Variants in DCC observed in about 807,000 individuals in gnomAD.
DCC encodes DCC netrin 1 receptor.
Under a neutral mutation model 172.5 loss-of-function variants are expected in DCC, and 58 were observed. That is an observed-to-expected ratio of 0.34 (90% CI 0.27 to 0.42). DCC has a LOEUF of 0.42. DCC is among the 10% of genes least tolerant of loss of function. DCC has a pLI of 1.00. For missense variants in DCC, 1,740 were observed against 1,791.0 expected (o/e 0.97, Z 0.51); for synonymous variants, 709 against 644.5 (o/e 1.10, Z -1.52).
At chr18:53,246,765 A>C (rs1474350855) in intron 12 of DCC, among the ~76,000 whole-genome samples, 3 of 152,044 alleles carry the variant, frequency 2.0e-5, no homozygotes, top group Admixed American at 6.6e-5. Flanking sequence ...GTAGAATTGC[A>C]TGGTATGTTT....
At chr18:52,954,753 C>T (rs1285520211) in intron 5 of DCC, among the ~76,000 whole-genome samples, 5 of 152,108 alleles carry the variant, frequency 3.3e-5, no homozygotes, top group Admixed American at 1.3e-4. Flanking sequence ...GGAGTTGATT[C>T]GTTCCTCAGT....
chr18:52,990,799 A>G (rs2041377001), intron 5 of DCC, among the ~76,000 whole-genome samples: 1 of 152,160 alleles, frequency 6.6e-6, no homozygotes. Context: ...TAAAGATGAA[A>G]CAGACCACAG....
intron 1 of DCC, among the ~76,000 whole-genome samples, chr18:52,395,165 A>G (rs186859613): frequency 8.5e-5 from 13 of 152,180 alleles, no homozygotes; most frequent in Non-Finnish European, 7.4e-5. Flanking sequence ...GACTAACACC[A>G]CAATTAAAGG....
intron 15 of DCC, among the ~76,000 whole-genome samples, chr18:53,348,752 C>T (rs1170069772): frequency 6.6e-6 from 1 of 152,164 alleles, no homozygotes; most frequent in Non-Finnish European, 1.5e-5. Context: ...CCACTGAAAC[C>T]ATGGCCCTAT....
At chr18:52,861,390 G>T in intron 2 of DCC, among the ~76,000 whole-genome samples, 1 of 152,176 alleles carries the variant, frequency 6.6e-6, no homozygotes, top group Non-Finnish European at 1.5e-5. Context: ...ACCAGTCAAA[G>T]CCTTGGTAAA....
At chr18:53,084,876 C>T (rs1231342311) in intron 7 of DCC, among the ~76,000 whole-genome samples, 1 of 152,166 alleles carries the variant, frequency 6.6e-6, no homozygotes, top group Non-Finnish European at 1.5e-5. Context: ...ACATTCTGAT[C>T]ATTTTGGAAA....
At chr18:52,458,220 G>C (rs566810961) in intron 1 of DCC, among the ~76,000 whole-genome samples, 1 of 152,056 alleles carries the variant, frequency 6.6e-6, no homozygotes, top group Non-Finnish European at 1.5e-5. Context: ...CCAGTCACAC[G>C]GCTGCAGGGG....
intron 5 of DCC, among the ~76,000 whole-genome samples, chr18:53,008,970 A>G (rs918238825): frequency 1.3e-5 from 2 of 151,982 alleles, no homozygotes; most frequent in Non-Finnish European, 2.9e-5. Flanking sequence ...AAGGAAACAT[A>G]TCTTTCAACA....
chr18:52,499,033 C>A lies in DCC; in HGVS notation c.91+158155C>A, dbSNP rs565603279. ...CTTCTCTGACCGTACCACCCGGAAT[C>A]ATTTTCCTGTCCATGATGTCCCATT... On this transcript the variant is annotated intron_variant, in intron 1 of 28. Coordinates refer to ENST00000442544, the MANE Select transcript of DCC (RefSeq NM_005215.4). Among the ~76,000 whole-genome samples, 4 of 152,198 alleles carry A rather than the reference C, an allele frequency of 2.6e-5. No homozygotes were observed. The South Asian group carries it at 8.3e-4, about 32-fold the overall frequency.
intron 1 of DCC, among the ~76,000 whole-genome samples, chr18:52,528,031 T>C (rs1436663187): frequency 6.6e-6 from 1 of 152,190 alleles, no homozygotes; most frequent in Non-Finnish European, 1.5e-5. Flanking sequence ...AAAATATTCT[T>C]GTTGCCCTTT....
chr18:52,796,222 T>G (rs1443331392), intron 2 of DCC, among the ~76,000 whole-genome samples: 1 of 152,016 alleles, frequency 6.6e-6, no homozygotes, highest in Non-Finnish European at 1.5e-5. Flanking sequence ...ATCTCTTAAT[T>G]GGGGAATTCT....
chr18:52,478,572 C>T (rs891050974), intron 1 of DCC, among the ~76,000 whole-genome samples: 3 of 152,182 alleles, frequency 2.0e-5, no homozygotes, highest in Non-Finnish European at 4.4e-5. Flanking sequence ...GCTTTATTCG[C>T]TCATGAATCT....
intron 2 of DCC, among the ~76,000 whole-genome samples, chr18:52,763,291 A>C (rs2037192033): frequency 6.6e-6 from 1 of 152,218 alleles, no homozygotes; most frequent in South Asian, 2.1e-4. Context: ...TTCAACATTA[A>C]ATTTCAGTGC....
chr18:53,145,673 T>C (rs2043901889), intron 7 of DCC, among the ~76,000 whole-genome samples: 1 of 152,204 alleles, frequency 6.6e-6, no homozygotes, highest in Admixed American at 6.5e-5. Flanking sequence ...CTATTACTTT[T>C]AGAACTGGAT....
At chr18:52,835,617 G>A (rs1598851468) in intron 2 of DCC, among the ~76,000 whole-genome samples, 2 of 152,102 alleles carry the variant, frequency 1.3e-5, no homozygotes, top group East Asian at 3.8e-4. Flanking sequence ...CTTCACTTTA[G>A]CAAATTGAAA....
At chr18:52,848,211 G>C (rs2038925579) in intron 2 of DCC, among the ~76,000 whole-genome samples, 1 of 151,500 alleles carries the variant, frequency 6.6e-6, no homozygotes, top group South Asian at 2.1e-4. Context: ...CCAGCCTCCG[G>C]AGTGCTGAGA....
At chr18:52,447,965 C>T (rs1568174680) in intron 1 of DCC, among the ~76,000 whole-genome samples, 1 of 152,020 alleles carries the variant, frequency 6.6e-6, no homozygotes, top group African/African-American at 2.4e-5. Flanking sequence ...ATGGGGACAC[C>T]GAACCAAGCC....
At chr18:52,421,412 C>T (rs1462127957) in intron 1 of DCC, among the ~76,000 whole-genome samples, 3 of 152,144 alleles carry the variant, frequency 2.0e-5, no homozygotes, top group Non-Finnish European at 2.9e-5. Flanking sequence ...CCTTGCAGTG[C>T]CCTTCCTTTA....
At chr18:53,235,350 AT>A (rs1178498652) in intron 12 of DCC, among the ~76,000 whole-genome samples, 1 of 152,186 alleles carries the variant, frequency 6.6e-6, no homozygotes, top group Non-Finnish European at 1.5e-5. Flanking sequence ...TTTAATGAAA[AT>A]TTAAACCCTT....
Sources: gnomAD v4.1 joint callset for allele counts (sites outside exome capture counted in the v4.1 genomes callset) on GRCh38, gnomAD v4.1.1 for gene constraint, MANE v1.5 for transcripts, NCBI Gene and HGNC (gene_info 2026-07-23, HGNC 2026-07-21) for gene names.